The following DDX19A variants were observed in gnomAD, a reference collection of about 807,000 sequenced individuals.
DDX19A encodes ATP-dependent RNA helicase DDX19A.
Under a neutral mutation model 60.6 loss-of-function variants are expected in DDX19A, and 12 were observed. The ratio of observed to expected loss-of-function variants is 0.20; its 90% confidence interval spans 0.13 to 0.32. The LOEUF (loss-of-function observed/expected upper bound fraction) is 0.32, where lower values mean the gene tolerates loss of function less well. Ranked by LOEUF, DDX19A falls within the 10% of genes least tolerant of loss-of-function variation. The pLI is 1.00. For synonymous variants in DDX19A, 206 were observed against 218.2 expected (o/e 0.94, Z 0.49); for missense variants, 337 against 600.6 (o/e 0.56, Z 4.59).
At chr16:70,371,874 A>AG in intron 11 of DDX19A, 51 bp from the exon 12 acceptor site, 1 of 1,613,836 alleles carries the variant, frequency 6.2e-7, no homozygotes, top group East Asian at 2.2e-5. Flanking sequence ...CTGTGGCCTG[A>AG]GGTGGGGCAC....
At chr16:70,369,560 G>A (rs529398749) in intron 9 of DDX19A, among the ~76,000 whole-genome samples, 4 of 150,524 alleles carry the variant, frequency 2.7e-5, no homozygotes, top group Non-Finnish European at 5.9e-5. Flanking sequence ...GTGAGCCACC[G>A]TATCTTGCCC....
rs879782082 is a variant in DDX19A at position 70,351,042 on chromosome 16, G to GTT, written c.106+449_106+450dup. ...TACAGGCGCTTGCCACCACGCGCTA[G>GTT]TTTTTTTTTTTTTGTATTTTTAGTA... is the stretch of plus-strand genomic sequence containing the variant. On this transcript the variant is annotated intron_variant, in intron 2 of 11. Coordinates refer to ENST00000302243, the MANE Select transcript of DDX19A (RefSeq NM_018332.5). Among the ~76,000 whole-genome samples the GTT allele has an allele frequency of 2.9e-3, 409 of 139,862 alleles. 2 individuals are homozygous for GTT. Among genetic ancestry groups the GTT allele is most frequent in the Non-Finnish European group, 4.6e-3 (292 of 63,696 alleles). The allele number at this position is 139,862 out of a possible 152,430, so 91.8% of individuals were successfully genotyped here.
chr16:70,364,806 A>C, intron 6 of DDX19A, 161 bp downstream of exon 6: 1 of 677,476 alleles, frequency 1.5e-6, no homozygotes, highest in Non-Finnish European at 2.5e-6. Context: ...AATGTGCTTG[A>C]AAGCAGCAGC....
chr16:70,359,951 C>T (rs1239632951), intron 4 of DDX19A, among the ~76,000 whole-genome samples: 1 of 152,134 alleles, frequency 6.6e-6, no homozygotes, highest in Non-Finnish European at 1.5e-5. Flanking sequence ...CCTTTATTTA[C>T]TGTATATCAG....
rs1444274477 is a variant in DDX19A, at chr16:70,361,701, A to T, written c.386+191A>T. Reference sequence around the variant, plus strand: ...CTGCCTTTCCCACTTAACAATAGAAACTTATAGAGAAAGGTAGTGCTTTAT... The same window carrying T: ...CTGCCTTTCCCACTTAACAATAGAATCTTATAGAGAAAGGTAGTGCTTTAT... On this transcript the variant is annotated intron_variant, in intron 5 of 11. Transcript: ENST00000302243. The T allele has an allele frequency of 5.6e-6, 3 of 539,944 alleles. No individual in the cohort carries two copies. In the African/African-American group the frequency reaches 5.8e-5, roughly 10 times the overall value. 33.4% of individuals were successfully genotyped at this position (539,944 alleles called of 1,614,324 possible).
intron 1 of DDX19A, chr16:70,347,796 T>C (rs1361132737): frequency 4.6e-6 from 1 of 216,666 alleles, no homozygotes; most frequent in African/African-American, 2.4e-5. Context: ...GTTCAAGCGA[T>C]TCTCCTGCCT....
chr16:70,370,964 C>T, intron 10 of DDX19A: 1 of 284,676 alleles, frequency 3.5e-6, no homozygotes, highest in South Asian at 3.8e-5. Flanking sequence ...CATTGCACTC[C>T]AGCCTGGGCA....
chr16:70,349,536 A>G (rs920380542), intron 1 of DDX19A, among the ~76,000 whole-genome samples: 10 of 152,278 alleles, frequency 6.6e-5, no homozygotes, highest in Middle Eastern at 3.4e-3. Flanking sequence ...TCCTAAGGAG[A>G]GCGGTCAGGC....
rs1964152607 is a variant in DDX19A at position 70,355,353 on chromosome 16, G to C, written c.107-132G>C. ...TTGCGCCATTGCACTCCAGCCTTGG[G>C]CTACAAGAGGAAAACTCCGTCTGAA... On this transcript the variant is annotated intron_variant, in intron 2 of 11. Transcript: ENST00000302243. 4 of 686,160 alleles carry C rather than the reference G, an allele frequency of 5.8e-6. No homozygotes were observed. In the South Asian group the frequency reaches 7.3e-5, roughly 13 times the overall value. The allele number at this position is 686,160 out of a possible 1,614,324, so 42.5% of individuals were successfully genotyped here.
chr16:70,368,583 C>T (rs1567657412), intron 9 of DDX19A, among the ~76,000 whole-genome samples: 2 of 141,146 alleles, frequency 1.4e-5, no homozygotes, highest in Admixed American at 7.1e-5. Flanking sequence ...AAAAAATACT[C>T]TTTTTTTTTT....
intron 10 of DDX19A, chr16:70,371,068 T>C (rs1964670720): frequency 1.9e-6 from 1 of 525,462 alleles, no homozygotes; most frequent in Non-Finnish European, 3.4e-6. Context: ...GAAGGAAATG[T>C]ACAGGCATCT....
Position 70,372,785 on chromosome 16 carries a change from T to G in DDX19A, c.*799T>G, listed in dbSNP as rs1348993595. 6.6e-6 allele frequency: 1 copy of G among 152,306 alleles called. No individual in the cohort carries two copies. Among genetic ancestry groups the G allele is most frequent in the Admixed American group, 6.6e-5 (1 of 15,264 alleles). 9.4% of individuals were successfully genotyped at this position (152,306 alleles called of 1,614,324 possible). A position where few individuals can be genotyped will look rare whatever the true frequency, so the allele number is the denominator to read the frequency against. ...GCAGCCAGGAGACCCCAGGTGAGTT[T>G]CTGAGCGCATACGTAGTTGGTTCTT... On this transcript the variant is annotated 3_prime_UTR_variant, in exon 12 of 12. Coordinates refer to ENST00000302243, the MANE Select transcript of DDX19A (RefSeq NM_018332.5).
intron 1 of DDX19A, among the ~76,000 whole-genome samples, chr16:70,349,243 G>A (rs1963940275): frequency 6.6e-6 from 1 of 152,174 alleles, no homozygotes; most frequent in Admixed American, 6.6e-5. Flanking sequence ...TCTTCCGGTA[G>A]CAAATTGTAA....
At chr16:70,355,346 G>C in intron 2 of DDX19A, 139 bp from the exon 3 acceptor site, 1 of 659,556 alleles carries the variant, frequency 1.5e-6, no homozygotes, top group South Asian at 1.9e-5. Flanking sequence ...TTGCACTCCA[G>C]CCTTGGGCTA....
At chr16:70,369,621 T>C (rs1442545723) in intron 9 of DDX19A, among the ~76,000 whole-genome samples, 2 of 128,708 alleles carry the variant, frequency 1.6e-5, no homozygotes, top group African/African-American at 3.6e-5. Context: ...TCTTTTCTTC[T>C]TTTTTTTTTT....
At chr16:70,351,250 G>C (rs1964008438) in intron 2 of DDX19A, among the ~76,000 whole-genome samples, 2 of 151,646 alleles carry the variant, frequency 1.3e-5, no homozygotes, top group South Asian at 4.2e-4. Flanking sequence ...CTGTCGTGCA[G>C]GCTAGAGTGG....
chr16:70,366,882 C>T (rs1432927882), intron 9 of DDX19A, 21 bp downstream of exon 9: 1 of 1,613,652 alleles, frequency 6.2e-7, no homozygotes, highest in Non-Finnish European at 8.5e-7. Context: ...GCGGCAGTGG[C>T]AGGCCTGGCC....
intron 1 of DDX19A, chr16:70,347,941 C>T (rs1181650123): frequency 6.9e-6 from 3 of 435,054 alleles, no homozygotes; most frequent in East Asian, 7.9e-5. Context: ...CCGCCCACCT[C>T]GGCCTCCCAA....
At chr16:70,354,662 A>G (rs1223901191) in intron 2 of DDX19A, among the ~76,000 whole-genome samples, 1 of 148,464 alleles carries the variant, frequency 6.7e-6, no homozygotes, top group Non-Finnish European at 1.5e-5. Context: ...AAAATTTTTC[A>G]CCAGGTATAG....
Sources: gnomAD v4.1 joint callset for allele counts (sites outside exome capture counted in the v4.1 genomes callset) on GRCh38, gnomAD v4.1.1 for gene constraint, MANE v1.5 for transcripts, NCBI Gene and HGNC (gene_info 2026-07-23, HGNC 2026-07-21) for gene names.